Variants in SLC7A2 observed in about 807,000 individuals in gnomAD.
SLC7A2 encodes the protein cationic amino acid transporter 2.
SLC7A2 carries 48 observed loss-of-function variants against 58.9 expected under a neutral mutation model. The ratio of observed to expected loss-of-function variants is 0.82; its 90% confidence interval spans 0.65 to 1.04. The LOEUF (loss-of-function observed/expected upper bound fraction) is 1.04, where lower values mean the gene tolerates loss of function less well. Among genes scored for constraint, SLC7A2 ranks in the 50% least tolerant of loss-of-function variants. SLC7A2 has a pLI of 0.00. For missense variants in SLC7A2, 1,029 were observed against 818.8 expected, an observed-to-expected ratio of 1.26 and a Z score of -3.13; for synonymous variants, 363 against 314.5, an observed-to-expected ratio of 1.15 and a Z score of -1.63.
At chr8:17,521,196 A>G (rs1474163683) in intron 2 of SLC7A2, among the ~76,000 whole-genome samples, 5 of 152,204 alleles carry the variant, frequency 3.3e-5, no homozygotes, top group Admixed American at 2.0e-4. Flanking sequence ...GAAATTGTAT[A>G]TTTTGATAGA....
chr8:17,543,661 G>A lies in SLC7A2; in HGVS notation c.322G>A (p.Gly108Arg), dbSNP rs751120560. 7 of 1,537,760 alleles carry A rather than the reference G, an allele frequency of 4.6e-6. No individual in the cohort carries two copies. Among genetic ancestry groups the A allele is most frequent in the East Asian group, 2.3e-5 (1 of 44,264 alleles). Residue 108 changes from glycine (G) to arginine (R), a missense_variant, in exon 3 of 13, where the codon GGA becomes AGA. Physicochemically the swap from Gly to Arg is moderately radical, Grantham distance 125. Transcript: ENST00000494857. ...ATATTTGTACACCTACGTGACTGTC[G>A]GAGAGCTGTGGGCCTTCATCACTGG... ...SAYLYTYVTV[G>R]ELWAFITGWN...
chr8:17,528,062 C>A (rs1188222048), intron 2 of SLC7A2, among the ~76,000 whole-genome samples: 6 of 152,030 alleles, frequency 3.9e-5, no homozygotes, highest in Non-Finnish European at 8.8e-5. Flanking sequence ...GAAGAAGAAA[C>A]AACAGTGCAG....
Position 17,543,647 on chromosome 8 carries a change from C to T in SLC7A2, c.308C>T (p.Thr103Ile). The T allele has an allele frequency of 6.4e-7, 1 of 1,556,088 alleles. No individual in the cohort carries two copies. The highest frequency in any genetic ancestry group is 2.3e-5 in the East Asian group (1 of 44,418). The change falls in exon 3 of 13, where the codon ACC (threonine) becomes ATC (isoleucine). Residue 103 changes from threonine (T) to isoleucine (I), a missense_variant. By Grantham distance (89) the Thr-to-Ile change is moderately conservative (BLOSUM62 -1). Transcript: ENST00000494857. The part of the protein sequence containing the change: ...VPKTGSAYLY[T>I]YVTVGELWAF... ...AAGACGGGGTCTGCATATTTGTACA[C>T]CTACGTGACTGTCGGAGAGCTGTGG...
intron 4 of SLC7A2, among the ~76,000 whole-genome samples, chr8:17,547,220 G>C (rs189219405): frequency 2.7e-4 from 41 of 149,480 alleles, no homozygotes; most frequent in African/African-American, 7.3e-4. Flanking sequence ...AGTCATGGTG[G>C]AAGGTGACCG....
chr8:17,502,832 A>G (rs1473369807), intron 2 of SLC7A2, among the ~76,000 whole-genome samples: 6 of 152,166 alleles, frequency 3.9e-5, no homozygotes, highest in Admixed American at 2.0e-4. Flanking sequence ...GCACACTGCT[A>G]TAATACCATG....
In SLC7A2 at chr8:17,566,896, G is replaced by A. The variant is rs75400410; in HGVS notation, c.*1750G>A. 1 of 152,254 alleles carries A rather than the reference G, an allele frequency of 6.6e-6. No homozygotes were observed. The allele number at this position is 152,254 out of a possible 1,614,324, so 9.4% of individuals were successfully genotyped here. ...TAATCCCAAGACAAGGAAAACATTC[G>A]TTTTCCTCATGGGTCTTCCAAGAAA... On this transcript the variant is annotated 3_prime_UTR_variant, in exon 13 of 13. Coordinates refer to ENST00000494857, the MANE Select transcript of SLC7A2 (RefSeq NM_001370338.1).
At chr8:17,499,356 T>TC (rs1491022604) in intron 1 of SLC7A2, 12 of 147,304 alleles carry the variant, frequency 8.1e-5, no homozygotes, top group South Asian at 4.6e-4. Context: ...TCTCTCTCTC[T>TC]CCCCCTCTCT....
At chr8:17,513,211 T>C (rs1278005382) in intron 2 of SLC7A2, among the ~76,000 whole-genome samples, 1 of 152,214 alleles carries the variant, frequency 6.6e-6, no homozygotes, top group Non-Finnish European at 1.5e-5. Flanking sequence ...ATTCTGTTTT[T>C]AGTTTTTTGA....
At chr8:17,548,656 T>C (rs757641893) in intron 4 of SLC7A2, 22 bp from the exon 5 acceptor site, 2 of 1,574,898 alleles carry the variant, frequency 1.3e-6, no homozygotes, top group Middle Eastern at 1.7e-4. Context: ...TAAATAAAAA[T>C]TGAAATGCCC....
chr8:17,513,358 A>T (rs1326105031), intron 2 of SLC7A2, among the ~76,000 whole-genome samples: 1 of 152,104 alleles, frequency 6.6e-6, no homozygotes, highest in African/African-American at 2.4e-5. Context: ...ATCCTAAGGG[A>T]TACTGAAGTC....
chr8:17,551,359 G>A (rs1045808209), intron 6 of SLC7A2, among the ~76,000 whole-genome samples: 3 of 152,328 alleles, frequency 2.0e-5, no homozygotes, highest in East Asian at 1.9e-4. Context: ...CAATCTTTGG[G>A]ACATTGAGGA....
At chr8:17,550,885 C>T (rs118163372) in intron 6 of SLC7A2, among the ~76,000 whole-genome samples, 2,243 of 152,190 alleles carry the variant, frequency 0.015, 47 homozygotes, top group South Asian at 0.1. Context: ...ATAATCATGC[C>T]GGAGTCACTC....
intron 2 of SLC7A2, among the ~76,000 whole-genome samples, chr8:17,539,079 CTA>C (rs1801798856): frequency 6.6e-6 from 1 of 152,136 alleles, no homozygotes; most frequent in South Asian, 2.1e-4. Context: ...CAACTTGTGA[CTA>C]TGATTAGCAG....
intron 2 of SLC7A2, among the ~76,000 whole-genome samples, chr8:17,537,540 T>C (rs1801724375): frequency 6.6e-6 from 1 of 152,158 alleles, no homozygotes; most frequent in South Asian, 2.1e-4. Flanking sequence ...GATGTCTCTC[T>C]GGTCCAGTGA....
intron 2 of SLC7A2, among the ~76,000 whole-genome samples, chr8:17,525,101 A>G (rs923093653): frequency 2.6e-5 from 4 of 152,160 alleles, no homozygotes; most frequent in Non-Finnish European, 5.9e-5. Flanking sequence ...GGATCCTTTC[A>G]GCCCACCAGA....
At chr8:17,533,172 T>G (rs537108522) in intron 2 of SLC7A2, among the ~76,000 whole-genome samples, 1 of 152,308 alleles carries the variant, frequency 6.6e-6, no homozygotes, top group African/African-American at 2.4e-5. Context: ...CTGAAGCCAG[T>G]ATGAACTTGC....
At chr8:17,521,034 G>C (rs907185485) in intron 2 of SLC7A2, among the ~76,000 whole-genome samples, 3 of 152,126 alleles carry the variant, frequency 2.0e-5, no homozygotes, top group African/African-American at 7.2e-5. Flanking sequence ...AAAACACATA[G>C]TACCATAATG....
chr8:17,528,766 A>C (rs1434071852), intron 2 of SLC7A2, among the ~76,000 whole-genome samples: 1 of 152,120 alleles, frequency 6.6e-6, no homozygotes, highest in Non-Finnish European at 1.5e-5. Flanking sequence ...GAAGGTAGCT[A>C]TTTGGAATTA....
intron 2 of SLC7A2, among the ~76,000 whole-genome samples, chr8:17,536,281 C>T (rs1328981036): frequency 6.6e-6 from 1 of 151,934 alleles, no homozygotes; most frequent in African/African-American, 2.4e-5. Flanking sequence ...AAAAGATATT[C>T]TGGCCGGGTG....
Sources: allele counts gnomAD v4.1 joint callset (sites outside exome capture counted in the v4.1 genomes callset), GRCh38; gene constraint gnomAD v4.1.1; transcripts MANE v1.5; gene names NCBI Gene and HGNC (gene_info 2026-07-23, HGNC 2026-07-21).